LINGO2: variants seen among roughly 807,000 people sequenced by gnomAD.
The protein encoded by LINGO2 is leucine-rich repeat and immunoglobulin-like domain-containing nogo receptor-interacting protein 2.
A neutral mutation model predicts 30.6 loss-of-function variants in LINGO2; 14 were observed. The ratio of observed to expected loss-of-function variants is 0.46; its 90% CI spans 0.30 to 0.72. LINGO2 has a LOEUF of 0.72. Among genes scored for constraint, LINGO2 ranks in the 30% least tolerant of loss-of-function variants. The probability of loss-of-function intolerance (pLI) is 0.07; values close to 1 mark genes in which losing one functional copy is unlikely to be tolerated. For missense variants in LINGO2, 729 were observed against 751.7 expected (o/e 0.97, Z 0.35); for synonymous variants, 317 against 288.5 (o/e 1.10, Z -1.00).
chr9:28,731,398 C>G, the LINGO2 span, among the ~76,000 whole-genome samples: 1 of 152,072 alleles, frequency 6.6e-6, no homozygotes, highest in Non-Finnish European at 1.5e-5. Context: ...TGCACAATAA[C>G]TTGGTTGAAT....
chr9:28,947,740 A>G, the LINGO2 span, among the ~76,000 whole-genome samples: 1 of 151,434 alleles, frequency 6.6e-6, no homozygotes, highest in Non-Finnish European at 1.5e-5. Flanking sequence ...TATTATATAT[A>G]CATTTCCTTT....
At chr9:28,193,694 C>A (rs1819902500) in intron 4 of LINGO2, among the ~76,000 whole-genome samples, 1 of 152,184 alleles carries the variant, frequency 6.6e-6, no homozygotes, top group Admixed American at 6.5e-5. Context: ...ACAACAGCAA[C>A]AGTGGCGTTA....
At chr9:29,050,841 G>A in the LINGO2 span, among the ~76,000 whole-genome samples, 895 of 152,216 alleles carry the variant, frequency 5.9e-3, 11 homozygotes, top group African/African-American at 0.02. Flanking sequence ...TCAATTTAGA[G>A]AGGAAGAGTT....
chr9:28,806,334 G>A, the LINGO2 span, among the ~76,000 whole-genome samples: 1 of 152,066 alleles, frequency 6.6e-6, no homozygotes, highest in Non-Finnish European at 1.5e-5. Context: ...CTGCCTTCAC[G>A]ATCCCTTGTT....
At chr9:29,189,292 G>A in the LINGO2 span, among the ~76,000 whole-genome samples, 51 of 151,494 alleles carry the variant, frequency 3.4e-4, no homozygotes, top group Middle Eastern at 0.01. Context: ...CCTCCCTCCC[G>A]GACGGGGTGG....
intron 2 of LINGO2, among the ~76,000 whole-genome samples, chr9:28,458,972 T>C (rs1260605614): frequency 9.6e-5 from 1 of 10,388 alleles, no homozygotes; most frequent in Non-Finnish European, 1.8e-4. Context: ...AGAGCCCAAA[T>C]GTGAATTATG....
chr9:28,942,810 T>C, the LINGO2 span, among the ~76,000 whole-genome samples: 2 of 152,174 alleles, frequency 1.3e-5, no homozygotes, highest in African/African-American at 4.8e-5. Flanking sequence ...GGGGGCTACT[T>C]GCTATCTCCC....
At chr9:28,672,342 A>G (rs1475787927), upstream of LINGO2, among the ~76,000 whole-genome samples, 1 of 152,194 alleles carries the variant, frequency 6.6e-6, no homozygotes, top group East Asian at 1.9e-4. Flanking sequence ...AAATCTGTAT[A>G]GTATTCACTT....
the LINGO2 span, among the ~76,000 whole-genome samples, chr9:29,187,575 C>G: frequency 6.6e-6 from 1 of 152,120 alleles, no homozygotes; most frequent in Non-Finnish European, 1.5e-5. Context: ...TTTTCCAACA[C>G]TAATAGAATT....
At chr9:29,008,869 C>T in the LINGO2 span, among the ~76,000 whole-genome samples, 7 of 152,096 alleles carry the variant, frequency 4.6e-5, no homozygotes, top group Non-Finnish European at 1.0e-4. Flanking sequence ...GATTGCAAGG[C>T]TGGTTCAACA....
chr9:28,045,366 T>C (rs180793393), intron 4 of LINGO2, among the ~76,000 whole-genome samples: 1 of 152,334 alleles, frequency 6.6e-6, no homozygotes, highest in Admixed American at 6.5e-5. Context: ...TAAGCTATTA[T>C]GAATTGTCAA....
chr9:28,240,337 A>G (rs1341547769), intron 4 of LINGO2, among the ~76,000 whole-genome samples: 1 of 152,202 alleles, frequency 6.6e-6, no homozygotes, highest in Non-Finnish European at 1.5e-5. Context: ...CCTGAGTAAA[A>G]AGAAAAAACT....
the LINGO2 span, among the ~76,000 whole-genome samples, chr9:29,118,384 GGATATTTTCT>G: frequency 6.6e-6 from 1 of 152,186 alleles, no homozygotes; most frequent in Non-Finnish European, 1.5e-5. Context: ...GGGAGCAAAT[GGATATTTTCT>G]GAATCAAGAA....
chr9:28,696,980 TTTTG>T, the LINGO2 span, among the ~76,000 whole-genome samples: 1 of 151,914 alleles, frequency 6.6e-6, no homozygotes, highest in Admixed American at 6.6e-5. Flanking sequence ...CCTCGAGTTG[TTTTG>T]TTTGTTTATC....
chr9:28,898,988 C>A, the LINGO2 span, among the ~76,000 whole-genome samples: 1 of 152,120 alleles, frequency 6.6e-6, no homozygotes, highest in South Asian at 2.1e-4. Context: ...GTGAAGACAT[C>A]AGCAATAGGT....
At chr9:28,968,050 C>T in the LINGO2 span, among the ~76,000 whole-genome samples, 1 of 152,064 alleles carries the variant, frequency 6.6e-6, no homozygotes, top group African/African-American at 2.4e-5. Flanking sequence ...TTATTTGACA[C>T]CCTGAAGTAG....
intron 4 of LINGO2, among the ~76,000 whole-genome samples, chr9:28,252,584 T>A (rs1310671513): frequency 3.9e-5 from 6 of 152,118 alleles, no homozygotes; most frequent in African/African-American, 1.2e-4. Context: ...TCATGAGTCA[T>A]ATTGTAACAT....
chr9:28,388,052 C>A lies in LINGO2; in HGVS notation c.-278-15184G>T, dbSNP rs1821666929. Among the ~76,000 whole-genome samples, 2 of 152,166 alleles carry A rather than the reference C, an allele frequency of 1.3e-5. 1 individual carries two copies. On this transcript the variant is annotated intron_variant, in intron 2 of 5. Coordinates refer to ENST00000379992, the Ensembl canonical transcript of LINGO2. The stretch of plus-strand genomic sequence containing the variant: ...TCCATTACTGAGATCAGCCATTACT[C>A]CTACCCACCAAAGGTATAAAATAAA...
the LINGO2 span, among the ~76,000 whole-genome samples, chr9:28,817,467 C>T: frequency 6.6e-6 from 1 of 152,158 alleles, no homozygotes; most frequent in Admixed American, 6.5e-5. Context: ...CTCATCTAAG[C>T]TTCTCTCTGC....
Sources: allele counts gnomAD v4.1 joint callset (sites outside exome capture counted in the v4.1 genomes callset), GRCh38; gene constraint gnomAD v4.1.1; transcripts MANE v1.5; gene names NCBI Gene and HGNC (gene_info 2026-07-23, HGNC 2026-07-21).